MMP25: variants seen among roughly 807,000 people sequenced by gnomAD.
MMP25 encodes the protein matrix metalloproteinase-25.
In MMP25, 68 loss-of-function variants were observed where a neutral mutation model predicts 62.1. The observed-to-expected ratio is 1.10, with a 90% CI of 0.90 to 1.34. The LOEUF is 1.34. MMP25 is among the 40% of genes most tolerant of loss of function. The pLI, the probability that MMP25 is intolerant of heterozygous loss-of-function variation, is 0.00. For synonymous variants in MMP25, 407 were observed against 345.6 expected, an observed-to-expected ratio of 1.18 and a Z score of -1.97; for missense variants, 942 against 792.5, an observed-to-expected ratio of 1.19 and a Z score of -2.26.
In MMP25 at chr16:3,050,378, G is replaced by T. The variant is rs1052278118; in HGVS notation, c.493G>T (p.Gly165Cys). 3.1e-6 allele frequency: 5 copies of T among 1,613,854 alleles called. No homozygotes were observed. The African/African-American group carries it at 6.7e-5, about 22-fold the overall frequency. ...ATTTCATGAGGTGGATTCCCCCCAG[G>T]GCCAGGAGCCCGACATCCTCATCGA... is the stretch of plus-strand genomic sequence containing the variant. Reference protein sequence around the residue: ...LTFHEVDSPQGQEPDILIDFA... With the variant: ...LTFHEVDSPQCQEPDILIDFA... Residue 165 changes from glycine to cysteine, a missense_variant, in exon 4 of 10, where the codon GGC becomes TGC. Gly to Cys is a radical substitution (Grantham distance 159). Coordinates refer to ENST00000336577, the MANE Select transcript of MMP25 (RefSeq NM_022468.5).
chr16:3,058,417 C>A lies in MMP25; in HGVS notation c.1165C>A (p.Gln389Lys). ...DGRILLFSGP[Q>K]FWVFQDRQLE... ...TCCCGGCCTCCACCCTGCAGGGCCC[C>A]AGTTCTGGGTGTTCCAGGACCGGCA... Residue 389 changes from glutamine to lysine, a missense_variant, in exon 9 of 10, where the codon CAG becomes AAG. Coordinates refer to ENST00000336577, the MANE Select transcript of MMP25 (RefSeq NM_022468.5). 3 of 1,558,218 alleles carry A rather than the reference C, an allele frequency of 1.9e-6. No individual in the cohort carries two copies. The highest frequency in any genetic ancestry group is 2.6e-6 in the Non-Finnish European group (3 of 1,151,830).
rs756872857 is a variant in MMP25, at chr16:3,058,667, C to T, written c.1415C>T (p.Ala472Val). Reference protein sequence around the residue: ...PSPDDVTVSNAGDTYFFKGAH... With the variant: ...PSPDDVTVSNVGDTYFFKGAH... ...CCTGACGATGTCACCGTCAGCAACG[C>T]AGGTGGGGAGCGCGGTGACCTGCGG... The change falls in exon 9 of 10, where the codon GCA (alanine) becomes GTA (valine). Residue 472 changes from alanine (A) to valine (V), a missense_variant and splice_region_variant. Physicochemically the swap from Ala to Val is moderately conservative, Grantham distance 64 (BLOSUM62 0). Coordinates refer to ENST00000336577, the MANE Select transcript of MMP25 (RefSeq NM_022468.5). 1.3e-5 allele frequency: 21 copies of T among 1,596,230 alleles called. 1 individual carries two copies. The South Asian group carries it at 2.1e-4, about 16-fold the overall frequency.
chr16:3,058,575 G>C lies in MMP25; in HGVS notation c.1323G>C (p.Glu441Asp), dbSNP rs754058762. ...GCCGGCAGTACTGGCGCTACGACGA[G>C]GCGGCGGCGCGCCCGGACCCCGGCT... ...VRGRQYWRYD[E>D]AAARPDPGYP... is the part of the protein sequence containing the mutation. Residue 441 changes from glutamate (E) to aspartate (D), a missense_variant, in exon 9 of 10, where the codon GAG becomes GAC. Transcript: ENST00000336577. 2.6e-5 allele frequency: 42 copies of C among 1,609,114 alleles called. No individual in the cohort carries two copies. Among genetic ancestry groups the C allele is most frequent in the Admixed American group, 1.8e-4 (11 of 59,648 alleles).
At chr16:3,051,282 T>C (rs1955898597) in intron 4 of MMP25, 1 of 151,772 alleles carries the variant, frequency 6.6e-6, no homozygotes, top group South Asian at 2.1e-4. Flanking sequence ...GCTCACGGGA[T>C]TGTAGGGGAT....
intron 9 of MMP25, 68 bp from the exon 10 acceptor site, chr16:3,058,759 T>TG: frequency 2.8e-6 from 4 of 1,408,686 alleles, no homozygotes; most frequent in Non-Finnish European, 3.8e-6. Flanking sequence ...CCTGCGGGGA[T>TG]GGGGGTCCTT....
In MMP25 at chr16:3,059,006, C is replaced by T; in HGVS notation, c.1597C>T (p.Gln533Ter). ...CCCCGTGTCCGAAACCTGCGATTGT[C>T]AGTGCGAGCTCAACCAGGCCGCAGG... ...ATPVSETCDC[Q>*]CELNQAAGRW... The change falls in exon 10 of 10, where the codon CAG becomes TAG. Residue 533 changes from glutamine to a stop codon, truncating the protein, a stop_gained. Transcript: ENST00000336577. LOFTEE classifies it high-confidence loss of function. 1 of 1,556,116 alleles carries T rather than the reference C, an allele frequency of 6.4e-7. No individual in the cohort carries two copies. The highest frequency in any genetic ancestry group is 8.7e-7 in the Non-Finnish European group (1 of 1,149,912).
At chr16:3,057,653 G>A in intron 7 of MMP25, 40 bp downstream of exon 7, 1 of 1,587,304 alleles carries the variant, frequency 6.3e-7, no homozygotes, top group East Asian at 2.2e-5. Context: ...TTGGTTTCCT[G>A]CCCACTTCCA....
At chr16:3,050,860 C>T (rs1380349002) in intron 4 of MMP25, among the ~76,000 whole-genome samples, 7 of 152,150 alleles carry the variant, frequency 4.6e-5, no homozygotes, top group African/African-American at 9.7e-5. Flanking sequence ...TGCACGATCA[C>T]GGCTCACTGC....
intron 4 of MMP25, chr16:3,054,630 A>G (rs1955969995): frequency 7.0e-6 from 1 of 142,700 alleles, no homozygotes; most frequent in South Asian, 1.9e-4. Flanking sequence ...GGATGAATGG[A>G]CAGATGCATG....
intron 4 of MMP25, 53 bp from the exon 5 acceptor site, chr16:3,056,980 G>T (rs941429281): frequency 1.1e-5 from 17 of 1,514,524 alleles, no homozygotes; most frequent in Non-Finnish European, 1.5e-5. Flanking sequence ...CCTTCCTGTG[G>T]CCCCTTTCCC....
Position 3,058,638 on chromosome 16 carries a change from C to A in MMP25, c.1386C>A (p.Pro462=). The A allele has an allele frequency of 6.2e-7, 1 of 1,604,896 alleles. No individual in the cohort carries two copies. The highest frequency in any genetic ancestry group is 8.5e-7 in the Non-Finnish European group (1 of 1,176,458). ...TGAGCCTCTGGGAAGGCGCGCCCCC[C>A]TCCCCTGACGATGTCACCGTCAGCA... ...RDLSLWEGAP[P]SPDDVTVSNA... Residue 462 remains proline, a synonymous_variant, in exon 9 of 10, where the codon CCC becomes CCA. Transcript: ENST00000336577.
Position 3,057,278 on chromosome 16 carries a change from G to A in MMP25, c.839-32G>A, listed in dbSNP as rs770695415. The A allele has an allele frequency of 5.6e-6, 9 of 1,613,988 alleles. No homozygotes were observed. The African/African-American group carries it at 1.2e-4, about 22-fold the overall frequency. On this transcript the variant is annotated intron_variant, in intron 5 of 9. Transcript: ENST00000336577. ...CAGTGTCCTCTGCAGCAGGGCCAGG[G>A]GACGCACACCTGCCTGACTCTTTCC...
intron 4 of MMP25, among the ~76,000 whole-genome samples, chr16:3,055,321 G>A (rs1027321007): frequency 1.3e-5 from 2 of 152,096 alleles, no homozygotes; most frequent in South Asian, 2.1e-4. Context: ...GCCAAGGAGA[G>A]ACAAGGCAGG....
At chr16:3,051,222 G>T (rs72772524) in intron 4 of MMP25, 47,956 of 150,892 alleles carry the variant, frequency 0.32, 7,854 homozygotes, top group Middle Eastern at 0.39. Context: ...TATGTGTGTG[G>T]GGGGGGTGTG....
intron 4 of MMP25, chr16:3,054,034 G>A (rs971961414): frequency 2.6e-5 from 4 of 151,162 alleles, no homozygotes; most frequent in African/African-American, 9.8e-5. Flanking sequence ...CTTAGGATGA[G>A]GGAGTTGTGA....
In MMP25 at chr16:3,050,478, C is replaced by T. The variant is rs775254400; in HGVS notation, c.593C>T (p.Pro198Leu). The T allele has an allele frequency of 1.9e-6, 3 of 1,607,008 alleles. No homozygotes were observed. Among genetic ancestry groups the T allele is most frequent in the Admixed American group, 1.7e-5 (1 of 59,222 alleles). The change falls in exon 4 of 10, where the codon CCT becomes CTT. Residue 198 changes from proline to leucine, a missense_variant. Physicochemically the swap from Pro to Leu is moderately conservative, Grantham distance 98. Coordinates refer to ENST00000336577, the MANE Select transcript of MMP25 (RefSeq NM_022468.5). ...LGGTLAHAFF[P>L]GEHPISGDTH... Reference sequence around the variant, plus strand: ...GGCACCCTAGCCCATGCCTTCTTCCCTGGGGAGCACCCCATCTCCGGGGAC... The same window carrying T: ...GGCACCCTAGCCCATGCCTTCTTCCTTGGGGAGCACCCCATCTCCGGGGAC...
intron 2 of MMP25, 100 bp from the exon 3 acceptor site, chr16:3,049,909 C>G (rs116986792): frequency 0.044 from 69,102 of 1,558,726 alleles, 1,759 homozygotes; most frequent in Non-Finnish European, 0.052. Context: ...CTTGAGCCCT[C>G]TGAGCCTCAG....
Position 3,046,922 on chromosome 16 carries a change from G to T in MMP25, c.5G>T (p.Arg2Leu). ...CGGCCCGGGCTGGGGCGCACCATGC[G>T]GCTGCGGCTCCGGCTTCTGGCGCTG... MRLRLRLLALLL... is the reference protein window; with the variant it reads MLLRLRLLALLL... The change falls in exon 1 of 10, where the codon CGG becomes CTG. Residue 2 changes from arginine to leucine, a missense_variant. Coordinates refer to ENST00000336577, the MANE Select transcript of MMP25 (RefSeq NM_022468.5). The T allele has an allele frequency of 6.9e-7, 1 of 1,451,462 alleles. No individual in the cohort carries two copies. Among genetic ancestry groups the T allele is most frequent in the Non-Finnish European group, 9.0e-7 (1 of 1,109,932 alleles). 89.9% of individuals were successfully genotyped at this position (1,451,462 alleles called of 1,614,324 possible).
chr16:3,054,199 CAG>C (rs1459191035), intron 4 of MMP25: 2 of 145,898 alleles, frequency 1.4e-5, no homozygotes, highest in African/African-American at 2.6e-5. Flanking sequence ...GATGCATGCA[CAG>C]AGTCAGGGAT....
Sources: allele counts gnomAD v4.1 joint callset (sites outside exome capture counted in the v4.1 genomes callset), GRCh38; gene constraint gnomAD v4.1.1; transcripts MANE v1.5; gene names NCBI Gene and HGNC (gene_info 2026-07-23, HGNC 2026-07-21).